Variants in AMPH observed in about 807,000 individuals in gnomAD.
AMPH encodes the protein amphiphysin.
In AMPH, 49 loss-of-function variants were observed where a neutral mutation model predicts 99.1. The observed-to-expected ratio is 0.49, with a 90% CI of 0.39 to 0.63. AMPH has a LOEUF of 0.63. Ranked by LOEUF, AMPH falls within the 20% of genes least tolerant of loss-of-function variation. The probability of loss-of-function intolerance (pLI) is 0.00; values close to 1 mark genes in which losing one functional copy is unlikely to be tolerated. For missense variants in AMPH, 759 were observed against 863.4 expected, an observed-to-expected ratio of 0.88 and a Z score of 1.52; for synonymous variants, 314 against 317.3, an observed-to-expected ratio of 0.99 and a Z score of 0.11.
intron 1 of AMPH, among the ~76,000 whole-genome samples, chr7:38,537,181 CA>C (rs1212757535): frequency 2.0e-5 from 3 of 151,998 alleles, no homozygotes; most frequent in Admixed American, 6.6e-5. Context: ...AAATTCCCAT[CA>C]AAAAATATTG....
Position 38,631,369 on chromosome 7 carries a change from G to A in AMPH, c.-18C>T, listed in dbSNP as rs760686918. On this transcript the variant is annotated 5_prime_UTR_variant, in exon 1 of 21. Transcript: ENST00000356264. Reference sequence around the variant, plus strand: ...TCGGCCATGGCTGCGGGTCCGGGGAGCTGCGAAGAGCAGAGCGCGCAGCGG... The same window carrying A: ...TCGGCCATGGCTGCGGGTCCGGGGAACTGCGAAGAGCAGAGCGCGCAGCGG... The A allele has an allele frequency of 5.2e-6, 8 of 1,538,042 alleles. No homozygotes were observed. The South Asian group carries it at 6.1e-5, about 12-fold the overall frequency.
chr7:38,553,523 C>T (rs1315713645), intron 1 of AMPH, among the ~76,000 whole-genome samples: 1 of 152,232 alleles, frequency 6.6e-6, no homozygotes, highest in Non-Finnish European at 1.5e-5. Context: ...TGAGGGATCA[C>T]ACGTGCCATT....
chr7:38,629,048 G>T (rs1312269104), intron 1 of AMPH, among the ~76,000 whole-genome samples: 1 of 152,110 alleles, frequency 6.6e-6, no homozygotes, highest in Admixed American at 6.5e-5. Flanking sequence ...GGACATATAT[G>T]GTCTATAGTT....
chr7:38,508,950 A>G (rs1238064632), intron 2 of AMPH, among the ~76,000 whole-genome samples: 2 of 152,202 alleles, frequency 1.3e-5, no homozygotes, highest in Non-Finnish European at 2.9e-5. Context: ...TCCACTTATG[A>G]TCAAAGACAT....
chr7:38,467,349 C>A (rs1236801001), intron 7 of AMPH, among the ~76,000 whole-genome samples: 1 of 152,142 alleles, frequency 6.6e-6, no homozygotes, highest in Non-Finnish European at 1.5e-5. Flanking sequence ...AAGGAGAGAC[C>A]CTACAGGCTA....
chr7:38,615,269 G>A (rs1268590212), intron 1 of AMPH, among the ~76,000 whole-genome samples: 1 of 152,174 alleles, frequency 6.6e-6, no homozygotes, highest in African/African-American at 2.4e-5. Flanking sequence ...CTACGAGGGT[G>A]AAATGAGTTA....
At chr7:38,417,717 G>T in intron 17 of AMPH, 108 bp downstream of exon 17, 11 of 1,408,270 alleles carry the variant, frequency 7.8e-6, no homozygotes, top group Non-Finnish European at 1.1e-5. Flanking sequence ...CAGATATGGA[G>T]CATGTTTGGC....
chr7:38,389,191 G>A (rs1011879603), intron 20 of AMPH, among the ~76,000 whole-genome samples: 5 of 152,138 alleles, frequency 3.3e-5, no homozygotes, highest in Non-Finnish European at 7.4e-5. Flanking sequence ...GCATTTACTT[G>A]CTCTGCATAC....
At chr7:38,402,748 T>C (rs985396483) in intron 17 of AMPH, among the ~76,000 whole-genome samples, 4 of 152,216 alleles carry the variant, frequency 2.6e-5, no homozygotes, top group Admixed American at 1.3e-4. Flanking sequence ...TCTCAGATAT[T>C]TTCCCTTGCC....
chr7:38,604,847 A>T (rs1216072239), intron 1 of AMPH, among the ~76,000 whole-genome samples: 1 of 152,154 alleles, frequency 6.6e-6, no homozygotes, highest in Non-Finnish European at 1.5e-5. Flanking sequence ...GGCTGTCTCT[A>T]AGAACAGCAT....
intron 5 of AMPH, among the ~76,000 whole-genome samples, chr7:38,484,819 T>C (rs1188013266): frequency 6.6e-6 from 1 of 151,964 alleles, no homozygotes; most frequent in Non-Finnish European, 1.5e-5. Flanking sequence ...AATATAAATA[T>C]ATGCAAATTT....
At chr7:38,614,237 T>C (rs1486752520) in intron 1 of AMPH, among the ~76,000 whole-genome samples, 1 of 152,152 alleles carries the variant, frequency 6.6e-6, no homozygotes, top group African/African-American at 2.4e-5. Flanking sequence ...TATTACTAAA[T>C]GAAAAGGGAG....
At chr7:38,421,510 C>G (rs905565212) in intron 16 of AMPH, among the ~76,000 whole-genome samples, 1 of 152,190 alleles carries the variant, frequency 6.6e-6, no homozygotes, top group African/African-American at 2.4e-5. Context: ...AAAAGTGTGA[C>G]AATCTATTGA....
At chr7:38,429,356 G>A in intron 14 of AMPH, 1 of 1,289,896 alleles carries the variant, frequency 7.8e-7, no homozygotes, top group Non-Finnish European at 1.0e-6. Context: ...AAAGCAGGCT[G>A]GTGGATAATC....
At chr7:38,409,918 G>C (rs1357703372) in intron 17 of AMPH, among the ~76,000 whole-genome samples, 1 of 152,202 alleles carries the variant, frequency 6.6e-6, no homozygotes, top group Non-Finnish European at 1.5e-5. Flanking sequence ...AACGCATAGG[G>C]GAGAAGTGGA....
At chr7:38,392,442 A>C (rs1452858914) in intron 18 of AMPH, among the ~76,000 whole-genome samples, 5 of 128,670 alleles carry the variant, frequency 3.9e-5, no homozygotes, top group Admixed American at 1.9e-4. Context: ...GCTGGAGTGC[A>C]ATGACGCGAT....
At chr7:38,519,256 T>A (rs1360028540) in intron 2 of AMPH, among the ~76,000 whole-genome samples, 2 of 152,214 alleles carry the variant, frequency 1.3e-5, no homozygotes. Flanking sequence ...AAAAACAGAC[T>A]AAGACAGCAT....
intron 1 of AMPH, among the ~76,000 whole-genome samples, chr7:38,613,550 G>A (rs10227883): frequency 2.6e-5 from 4 of 152,064 alleles, no homozygotes; most frequent in African/African-American, 9.7e-5. Context: ...CTCATTATCC[G>A]CTGTTCTGAG....
At chr7:38,603,199 C>A (rs1467368920) in intron 1 of AMPH, among the ~76,000 whole-genome samples, 1 of 151,654 alleles carries the variant, frequency 6.6e-6, no homozygotes, top group Non-Finnish European at 1.5e-5. Flanking sequence ...GCCTGTAATC[C>A]CTACTACTCA....
Sources: gnomAD v4.1 joint callset for allele counts (sites outside exome capture counted in the v4.1 genomes callset) on GRCh38, gnomAD v4.1.1 for gene constraint, MANE v1.5 for transcripts, NCBI Gene and HGNC (gene_info 2026-07-23, HGNC 2026-07-21) for gene names.